The following MXRA7 variants were observed in gnomAD, a reference collection of about 807,000 sequenced individuals.
MXRA7 encodes matrix-remodeling-associated protein 7.
In MXRA7, 18 loss-of-function variants were observed where a neutral mutation model predicts 17.4. That is an observed-to-expected ratio of 1.03 (90% confidence interval 0.71 to 1.53). The LOEUF is 1.53. MXRA7 is among the 40% of genes most tolerant of loss of function. The pLI is 0.00. For synonymous variants in MXRA7, 70 were observed against 101.7 expected (o/e 0.69, Z 1.87); for missense variants, 141 against 209.3 (o/e 0.67, Z 2.01).
chr17:76,697,125 G>T (rs1187925093), intron 1 of MXRA7, among the ~76,000 whole-genome samples: 1 of 152,164 alleles, frequency 6.6e-6, no homozygotes, highest in Non-Finnish European at 1.5e-5. Flanking sequence ...TTTGGAAACA[G>T]GGCCTTTAAA....
intron 1 of MXRA7, among the ~76,000 whole-genome samples, chr17:76,695,718 T>C (rs964628291): frequency 1.4e-4 from 21 of 152,122 alleles, no homozygotes; most frequent in African/African-American, 5.1e-4. Context: ...TGTAAAGGCA[T>C]GGAGGCACGG....
At chr17:76,700,267 C>T (rs1033806546) in intron 1 of MXRA7, among the ~76,000 whole-genome samples, 2 of 152,102 alleles carry the variant, frequency 1.3e-5, no homozygotes, top group African/African-American at 4.8e-5. Context: ...CCACCGGACA[C>T]AGCCAGGATC....
chr17:76,695,350 T>G (rs1466043391), intron 1 of MXRA7, among the ~76,000 whole-genome samples: 3 of 39,922 alleles, frequency 7.5e-5, no homozygotes, highest in Non-Finnish European at 9.9e-5. Flanking sequence ...CTCTTTAGCT[T>G]CAGGTGTGTG....
intron 1 of MXRA7, 111 bp downstream of exon 1, chr17:76,710,494 G>C: frequency 1.1e-6 from 1 of 931,836 alleles, no homozygotes; most frequent in East Asian, 4.0e-5. Flanking sequence ...GCGCTTCCTG[G>C]GGGCAGCCTG....
At chr17:76,684,799 G>A (rs2076363925) in intron 3 of MXRA7, 2 of 500,962 alleles carry the variant, frequency 4.0e-6, no homozygotes, top group Non-Finnish European at 3.6e-6. Flanking sequence ...GGAGGGGGTG[G>A]GGGGGTGCAG....
intron 1 of MXRA7, among the ~76,000 whole-genome samples, chr17:76,699,119 T>C (rs2076566322): frequency 6.6e-6 from 1 of 152,052 alleles, no homozygotes; most frequent in South Asian, 2.1e-4. Flanking sequence ...TTCAATGCCT[T>C]CAGGTGGCAC....
rs114076431 is a variant in MXRA7, at chr17:76,695,699, C to T, written c.343-7523G>A. Among the ~76,000 whole-genome samples, 480 of 152,262 alleles carry T rather than the reference C, an allele frequency of 3.2e-3. 3 individuals carry two copies. Among genetic ancestry groups the T allele is most frequent in the African/African-American group, 0.011 (450 of 41,558 alleles). ...GAGAGAAGGGCATCTGGGCAGAGTG[C>T]ACAGCCCATGTAAAGGCATGGAGGC... On this transcript the variant is annotated intron_variant, in intron 1 of 3. Coordinates refer to ENST00000449428, the MANE Select transcript of MXRA7 (RefSeq NM_198530.4).
At position 76,700,017 on chromosome 17, in the gene MXRA7, T is replaced by A. The variant is rs971021815; in HGVS notation, c.342+10588A>T. On this transcript the variant is annotated intron_variant, in intron 1 of 3. Transcript: ENST00000449428. ...CTCTGTCACCCAGGTTGGAGTGCAG[T>A]GGCACAATCTCGGCTCACTGCAACC... Among the ~76,000 whole-genome samples, 51 of 152,316 alleles carry A rather than the reference T, an allele frequency of 3.3e-4. 1 individual carries two copies. Among genetic ancestry groups the A allele is most frequent in the African/African-American group, 1.2e-3 (49 of 41,580 alleles).
intron 1 of MXRA7, among the ~76,000 whole-genome samples, chr17:76,697,175 T>G (rs754198722): frequency 1.2e-4 from 19 of 152,126 alleles, no homozygotes; most frequent in Non-Finnish European, 2.1e-4. Context: ...GGGTGGGCCC[T>G]AACCCAAGGA....
At chr17:76,702,875 A>ATATATATATATATATATATACGTG (rs1567988785) in intron 1 of MXRA7, among the ~76,000 whole-genome samples, 1 of 145,818 alleles carries the variant, frequency 6.9e-6, no homozygotes, top group African/African-American at 2.6e-5. Context: ...ATATATACGT[A>ATATATATATATATATATATACGTG]TATATATATA....
downstream of MXRA7, among the ~76,000 whole-genome samples, chr17:76,678,767 T>C (rs960394666): frequency 6.6e-6 from 1 of 152,192 alleles, no homozygotes; most frequent in African/African-American, 2.4e-5. Flanking sequence ...AGGGGTGGTC[T>C]CCACGTTCGC....
At chr17:76,694,832 T>C (rs571121006) in intron 1 of MXRA7, among the ~76,000 whole-genome samples, 1 of 152,262 alleles carries the variant, frequency 6.6e-6, no homozygotes, top group East Asian at 1.9e-4. Context: ...GGGATCTGCC[T>C]GCCTCAGCCT....
chr17:76,709,628 T>G (rs9789053), intron 1 of MXRA7: 1 of 153,208 alleles, frequency 6.5e-6, no homozygotes, highest in Non-Finnish European at 1.5e-5. Context: ...ACGCTGACAA[T>G]GCGCATCCCG....
chr17:76,694,324 C>A (rs1490703519), intron 1 of MXRA7, among the ~76,000 whole-genome samples: 1 of 152,126 alleles, frequency 6.6e-6, no homozygotes, highest in Non-Finnish European at 1.5e-5. Flanking sequence ...TCCACTGACA[C>A]CTCTCCTGTC....
At chr17:76,708,259 G>T (rs2076683318) in intron 1 of MXRA7, among the ~76,000 whole-genome samples, 1 of 152,212 alleles carries the variant, frequency 6.6e-6, no homozygotes, top group Non-Finnish European at 1.5e-5. Flanking sequence ...GGCCTCCCTG[G>T]GAAGGGAGAG....
chr17:76,677,580 G>T, downstream of MXRA7: 1 of 1,599,220 alleles, frequency 6.3e-7, no homozygotes. Context: ...GCATCCCGTG[G>T]GCGCAGTCTA....
intron 1 of MXRA7, among the ~76,000 whole-genome samples, chr17:76,702,209 AG>A (rs1479983917): frequency 6.6e-6 from 1 of 152,258 alleles, no homozygotes; most frequent in Admixed American, 6.5e-5. Flanking sequence ...CTTGAAATAT[AG>A]TAATAGAAGA....
At chr17:76,696,369 A>C (rs956950330) in intron 1 of MXRA7, among the ~76,000 whole-genome samples, 9 of 152,004 alleles carry the variant, frequency 5.9e-5, no homozygotes, top group African/African-American at 2.2e-4. Flanking sequence ...AAAAATTAAC[A>C]AATTAGCCGG....
chr17:76,688,213 G>T lies in MXRA7; in HGVS notation c.343-37C>A, dbSNP rs1410966318. On this transcript the variant is annotated intron_variant, in intron 1 of 3. Transcript: ENST00000449428. ...GGACAGGGTCAGTGCCCTTGGCACAGACTGGGTGATGGGAAGTGGTGGGGG... is the reference window on the plus strand; with the variant it reads ...GGACAGGGTCAGTGCCCTTGGCACATACTGGGTGATGGGAAGTGGTGGGGG... The T allele has an allele frequency of 1.9e-6, 3 of 1,613,172 alleles. No homozygotes were observed. In the East Asian group the frequency reaches 6.7e-5, roughly 36 times the overall value.
Sources: allele counts gnomAD v4.1 joint callset (sites outside exome capture counted in the v4.1 genomes callset), GRCh38; gene constraint gnomAD v4.1.1; transcripts MANE v1.5; gene names NCBI Gene and HGNC (gene_info 2026-07-23, HGNC 2026-07-21).